The following MYRIP variants were observed in gnomAD, a reference collection of about 807,000 sequenced individuals.
The protein encoded by MYRIP is rab effector MyRIP.
In MYRIP, 49 loss-of-function variants were observed where a neutral mutation model predicts 98.0. The observed-to-expected ratio is 0.50, with a 90% CI of 0.40 to 0.63. The LOEUF is 0.63. Among genes scored for constraint, MYRIP ranks in the 30% least tolerant of loss-of-function variants. The pLI is 0.00. For missense variants in MYRIP, 1,004 were observed against 1,058.2 expected, an observed-to-expected ratio of 0.95 and a Z score of 0.71; for synonymous variants, 404 against 409.5, an observed-to-expected ratio of 0.99 and a Z score of 0.16.
intron 3 of MYRIP, among the ~76,000 whole-genome samples, chr3:40,095,809 A>G (rs1415212425): frequency 6.7e-6 from 1 of 150,364 alleles, no homozygotes; most frequent in Non-Finnish European, 1.5e-5. Context: ...TCTTTCCTAC[A>G]TACTCCACAG....
intron 2 of MYRIP, among the ~76,000 whole-genome samples, chr3:40,007,876 C>T (rs1054046897): frequency 1.3e-5 from 2 of 152,184 alleles, no homozygotes; most frequent in Non-Finnish European, 2.9e-5. Context: ...TGAGGCTCAT[C>T]CACATTATGC....
chr3:39,855,898 C>A (rs116415312), intron 1 of MYRIP, among the ~76,000 whole-genome samples: 1,530 of 152,304 alleles, frequency 0.01, 28 homozygotes, highest in African/African-American at 0.035. Flanking sequence ...TTTCACCCTG[C>A]AACCCCTCCT....
chr3:40,218,655 T>TATAC (rs1952230423), intron 11 of MYRIP, among the ~76,000 whole-genome samples: 2 of 131,376 alleles, frequency 1.5e-5, no homozygotes, highest in African/African-American at 5.9e-5. Context: ...TATATATATA[T>TATAC]ACATACACAC....
chr3:40,168,899 T>G (rs1451463065), intron 7 of MYRIP, among the ~76,000 whole-genome samples: 1 of 152,218 alleles, frequency 6.6e-6, no homozygotes, highest in Admixed American at 6.5e-5. Context: ...CAGGAAGTGT[T>G]GAAAAACTTC....
rs529683770 is a variant in MYRIP at position 40,178,169 on chromosome 3, G to A, written c.874-4051G>A. On this transcript the variant is annotated intron_variant, in intron 8 of 16. Transcript: ENST00000302541. The stretch of plus-strand genomic sequence containing the variant: ...TGAGAGCAAAGACTGTTTTAAAGCT[G>A]CGGTTGGTGCCACAGGGAGCCTGTC... Among the ~76,000 whole-genome samples, 183 of 152,246 alleles carry A rather than the reference G, an allele frequency of 1.2e-3. 1 individual carries two copies. The highest frequency in any genetic ancestry group is 1.1e-3 in the Non-Finnish European group (73 of 68,016).
chr3:39,902,958 T>C lies in MYRIP; in HGVS notation c.110+2032T>C, dbSNP rs546111100. Among the ~76,000 whole-genome samples the C allele has an allele frequency of 9.8e-5, 15 of 152,324 alleles. No individual in the cohort carries two copies. In the South Asian group the frequency reaches 3.1e-3, roughly 32 times the overall value. ...GTGAAAATGCATGGTTATGGGAACCTGCTTATAATGGAGAAAATGATGCTT... is the reference window on the plus strand; with the variant it reads ...GTGAAAATGCATGGTTATGGGAACCCGCTTATAATGGAGAAAATGATGCTT... On this transcript the variant is annotated intron_variant, in intron 2 of 16. Transcript: ENST00000302541.
intron 11 of MYRIP, among the ~76,000 whole-genome samples, chr3:40,219,277 C>T (rs1247498967): frequency 6.6e-6 from 1 of 151,970 alleles, no homozygotes; most frequent in East Asian, 1.9e-4. Context: ...GGCCAGAAAC[C>T]TTAAAGGCCT....
At chr3:39,890,714 T>G (rs1369994005) in intron 1 of MYRIP, among the ~76,000 whole-genome samples, 1 of 151,966 alleles carries the variant, frequency 6.6e-6, no homozygotes, top group East Asian at 1.9e-4. Context: ...TTTTTTGTTT[T>G]GATTTTTTAT....
chr3:40,130,570 C>T (rs1404347239), intron 3 of MYRIP, among the ~76,000 whole-genome samples: 1 of 151,428 alleles, frequency 6.6e-6, no homozygotes, highest in African/African-American at 2.4e-5. Context: ...TTAGTAGAGA[C>T]GGGGTTTCAC....
intron 2 of MYRIP, among the ~76,000 whole-genome samples, chr3:39,926,350 T>C (rs1420015627): frequency 6.6e-6 from 1 of 152,250 alleles, no homozygotes; most frequent in Non-Finnish European, 1.5e-5. Flanking sequence ...TAGGTTCTAC[T>C]TGTCAATTTT....
chr3:40,243,228 C>CTGA (rs1407777292), intron 12 of MYRIP, among the ~76,000 whole-genome samples: 1 of 152,052 alleles, frequency 6.6e-6, no homozygotes, highest in South Asian at 2.1e-4. Context: ...GTAATTATGC[C>CTGA]TGATGATGAT....
At chr3:39,926,721 T>C (rs1301737977) in intron 2 of MYRIP, among the ~76,000 whole-genome samples, 1 of 152,122 alleles carries the variant, frequency 6.6e-6, no homozygotes, top group African/African-American at 2.4e-5. Flanking sequence ...ACTACTGTGC[T>C]GTTTTGGTTA....
chr3:39,915,752 C>T (rs946861677), intron 2 of MYRIP, among the ~76,000 whole-genome samples: 1 of 116,656 alleles, frequency 8.6e-6, no homozygotes, highest in Non-Finnish European at 1.8e-5. Context: ...TAGGTCAATG[C>T]CAGGCCAAAA....
chr3:40,153,858 C>T (rs967216076), intron 4 of MYRIP, among the ~76,000 whole-genome samples: 1 of 152,116 alleles, frequency 6.6e-6, no homozygotes, highest in African/African-American at 2.4e-5. Flanking sequence ...ACACTCAATT[C>T]AGGCCGGGCA....
chr3:39,983,772 C>A (rs532667152), intron 2 of MYRIP, among the ~76,000 whole-genome samples: 1 of 152,084 alleles, frequency 6.6e-6, no homozygotes, highest in Admixed American at 6.6e-5. Context: ...ATAGTAGGGA[C>A]GCATTCTTTA....
chr3:39,892,558 T>C (rs926925346), intron 1 of MYRIP, among the ~76,000 whole-genome samples: 2 of 152,214 alleles, frequency 1.3e-5, no homozygotes, highest in African/African-American at 4.8e-5. Flanking sequence ...AGCCTAACTC[T>C]TGCCTAGTGA....
At chr3:40,133,651 C>G (rs958140967) in intron 3 of MYRIP, among the ~76,000 whole-genome samples, 1 of 152,130 alleles carries the variant, frequency 6.6e-6, no homozygotes, top group East Asian at 1.9e-4. Flanking sequence ...GCAGGAGAAT[C>G]GCTTGAACCC....
At chr3:39,943,421 T>C (rs1380418389) in intron 2 of MYRIP, among the ~76,000 whole-genome samples, 4 of 152,162 alleles carry the variant, frequency 2.6e-5, no homozygotes, top group African/African-American at 7.2e-5. Flanking sequence ...AGGATTAAAG[T>C]GGAAGTGAAC....
rs533046657 is a variant in MYRIP, at chr3:39,933,885, A to C, written c.110+32959A>C. On this transcript the variant is annotated intron_variant, in intron 2 of 16. Transcript: ENST00000302541. ...TGAACGACTTGCTCAAAGTTACACC[A>C]CTAGGTCTGTCTGGTTCTCAAAAGT... is the stretch of plus-strand genomic sequence containing the variant. 2.0e-5 allele frequency among the ~76,000 whole-genome samples: 3 copies of C among 152,300 alleles called. No individual in the cohort carries two copies. In the South Asian group the frequency reaches 6.2e-4, roughly 32 times the overall value.
Sources: allele counts gnomAD v4.1 joint callset (sites outside exome capture counted in the v4.1 genomes callset), GRCh38; gene constraint gnomAD v4.1.1; transcripts MANE v1.5; gene names NCBI Gene and HGNC (gene_info 2026-07-23, HGNC 2026-07-21).